The following FEZ1 variants were observed in gnomAD, a reference collection of about 807,000 sequenced individuals.
FEZ1 encodes the protein fasciculation and elongation protein zeta-1.
Under a neutral mutation model 49.3 loss-of-function variants are expected in FEZ1, and 20 were observed. The observed-to-expected ratio is 0.41, with a 90% CI of 0.29 to 0.59. The LOEUF (loss-of-function observed/expected upper bound fraction) is 0.59. Ranked by LOEUF, FEZ1 falls within the 20% of genes least tolerant of loss-of-function variation. FEZ1 has a pLI of 0.36. For synonymous variants in FEZ1, 170 were observed against 180.9 expected, an observed-to-expected ratio of 0.94 and a Z score of 0.48; for missense variants, 413 against 476.0, an observed-to-expected ratio of 0.87 and a Z score of 1.23.
At chr11:125,483,751 A>G (rs935876907) in intron 2 of FEZ1, among the ~76,000 whole-genome samples, 1 of 152,218 alleles carries the variant, frequency 6.6e-6, no homozygotes, top group Non-Finnish European at 1.5e-5. Flanking sequence ...GCAAAGCCCA[A>G]AATAGGCAGG....
At chr11:125,465,163 T>C (rs1957115533) in intron 3 of FEZ1, among the ~76,000 whole-genome samples, 1 of 152,214 alleles carries the variant, frequency 6.6e-6, no homozygotes, top group Non-Finnish European at 1.5e-5. Flanking sequence ...GGGTTATTTT[T>C]CATAAGCATC....
In FEZ1 at chr11:125,489,034, G is replaced by A. The variant is rs1036090895; in HGVS notation, c.311+433C>T. On this transcript the variant is annotated intron_variant, in intron 2 of 9. Transcript: ENST00000278919. This position sits in a 1 kb window ranked among gnomAD's most constrained non-coding sequence, Gnocchi z 4.2. ...CTGTAGATAACTCTCCAGGCCTGAG[G>A]GGCTGTCAAAAATTCGGGATTTTCA... 3 of 986,386 alleles carry A rather than the reference G, an allele frequency of 3.0e-6. No individual in the cohort carries two copies. The highest frequency in any genetic ancestry group is 3.5e-5 in the African/African-American group (2 of 57,222). The allele number at this position is 986,386 out of a possible 1,614,324, so 61.1% of individuals were successfully genotyped here.
intron 3 of FEZ1, among the ~76,000 whole-genome samples, chr11:125,474,191 A>ATTTTTTT (rs34135138): frequency 3.1e-5 from 4 of 128,440 alleles, no homozygotes; most frequent in African/African-American, 6.0e-5. Context: ...TGCCAGGCTA[A>ATTTTTTT]TTTTTTTTTT....
intron 5 of FEZ1, among the ~76,000 whole-genome samples, chr11:125,458,008 C>T (rs765699457): frequency 3.9e-5 from 6 of 152,118 alleles, no homozygotes; most frequent in African/African-American, 1.2e-4. Flanking sequence ...TTGCTGAACG[C>T]GTCTATCTTT....
chr11:125,467,154 C>A (rs1030997938), intron 3 of FEZ1, among the ~76,000 whole-genome samples: 10 of 152,020 alleles, frequency 6.6e-5, no homozygotes, highest in African/African-American at 2.4e-4. Flanking sequence ...CTGCCTCAGC[C>A]TCCCAAGTAG....
intron 9 of FEZ1, among the ~76,000 whole-genome samples, chr11:125,447,197 C>T (rs1295214342): frequency 6.6e-6 from 1 of 152,262 alleles, no homozygotes; most frequent in African/African-American, 2.4e-5. Flanking sequence ...ATCAAAAAAT[C>T]GGAAGCTGTA....
chr11:125,471,343 A>C (rs1957181102), intron 3 of FEZ1, among the ~76,000 whole-genome samples: 3 of 152,050 alleles, frequency 2.0e-5, no homozygotes, highest in Admixed American at 1.3e-4. Flanking sequence ...ACTGAATATA[A>C]AAACAAGATC....
chr11:125,485,807 G>A (rs1455997124), intron 2 of FEZ1, among the ~76,000 whole-genome samples: 4 of 151,848 alleles, frequency 2.6e-5, no homozygotes, highest in East Asian at 3.9e-4. Context: ...TTAGTCCGGC[G>A]TGGCAGCGTT....
chr11:125,495,277 C>G lies in FEZ1; in HGVS notation c.-46+844G>C, dbSNP rs1565308254. The G allele has an allele frequency of 2.3e-6, 1 of 434,064 alleles. No homozygotes were observed. 26.9% of individuals were successfully genotyped at this position (434,064 alleles called of 1,614,324 possible). A position where few individuals can be genotyped will look rare whatever the true frequency, so the allele number is the denominator to read the frequency against. On this transcript the variant is annotated intron_variant, in intron 1 of 9. Coordinates refer to ENST00000278919, the MANE Select transcript of FEZ1 (RefSeq NM_005103.5). The surrounding 1 kb of genome is among the most constrained non-coding windows in gnomAD (Gnocchi z 4.2). ...CCGTGCAGGCCGCATACACACTCCACTGCCCTTCCGGCCAAACAAGCCCGG... is the reference window on the plus strand; with the variant it reads ...CCGTGCAGGCCGCATACACACTCCAGTGCCCTTCCGGCCAAACAAGCCCGG...
At position 125,443,202 on chromosome 11, in the gene FEZ1, G is replaced by A. The variant is rs1956870899; in HGVS notation, c.*2893C>T. 6.6e-6 allele frequency among the ~76,000 whole-genome samples: 1 copy of A among 152,206 alleles called. No homozygotes were observed. Among genetic ancestry groups the A allele is most frequent in the East Asian group, 1.9e-4 (1 of 5,184 alleles). ...CTCTCTGGCACACTTTGCGGAGTGC[G>A]GACATCCTAGACAGGACTTGAGTTT... On this transcript the variant is annotated 3_prime_UTR_variant, in exon 10 of 10. Transcript: ENST00000278919.
intron 2 of FEZ1, among the ~76,000 whole-genome samples, chr11:125,487,800 T>C (rs1236295706): frequency 4.6e-5 from 7 of 152,244 alleles, no homozygotes; most frequent in Non-Finnish European, 7.3e-5. Flanking sequence ...TATTTGCACA[T>C]TGCACTGTAT....
At chr11:125,473,429 T>C (rs989327372) in intron 3 of FEZ1, among the ~76,000 whole-genome samples, 5 of 152,188 alleles carry the variant, frequency 3.3e-5, no homozygotes, top group Non-Finnish European at 5.9e-5. Flanking sequence ...GTGGATGGCT[T>C]GAGCCAAGGA....
intron 2 of FEZ1, among the ~76,000 whole-genome samples, chr11:125,486,224 C>T (rs866403049): frequency 2.0e-5 from 3 of 152,134 alleles, no homozygotes; most frequent in South Asian, 2.1e-4. Context: ...GAAGAAACAG[C>T]CATTGCATGG....
intron 2 of FEZ1, among the ~76,000 whole-genome samples, chr11:125,485,682 T>C (rs1217697554): frequency 6.6e-6 from 1 of 151,816 alleles, no homozygotes; most frequent in Non-Finnish European, 1.5e-5. Flanking sequence ...ACGCCTGTAA[T>C]CCTAGCACTT....
Position 125,493,362 on chromosome 11 carries a change from A to AAAAG in FEZ1, c.-46+2755_-46+2758dup, listed in dbSNP as rs555223569. Among the ~76,000 whole-genome samples, 298 of 49,554 alleles carry AAAAG rather than the reference A, an allele frequency of 6.0e-3. 11 individuals are homozygous for AAAAG. The highest frequency in any genetic ancestry group is 0.012 in the East Asian group (19 of 1,554). The allele number at this position is 49,554 out of a possible 152,430, so 32.5% of individuals were successfully genotyped here. A position where few individuals can be genotyped will look rare whatever the true frequency, so the allele number is the denominator to read the frequency against. ...GAAAGAAAGAAAGAAAGAAAGAGAG[A>AAAAG]AAAGAAAGAAAGAAAGAAAGAAAGA... On this transcript the variant is annotated intron_variant, in intron 1 of 9. Coordinates refer to ENST00000278919, the MANE Select transcript of FEZ1 (RefSeq NM_005103.5).
chr11:125,459,595 A>AAAAT (rs1300282424), intron 5 of FEZ1, among the ~76,000 whole-genome samples: 2 of 152,144 alleles, frequency 1.3e-5, no homozygotes, highest in Non-Finnish European at 2.9e-5. Context: ...CTATCTCTAA[A>AAAAT]AAATAAATAA....
chr11:125,445,901 C>T lies in FEZ1; in HGVS notation c.*194G>A. The T allele has an allele frequency of 1.5e-6, 1 of 653,008 alleles. No individual in the cohort carries two copies. Among genetic ancestry groups the T allele is most frequent in the Non-Finnish European group, 2.8e-6 (1 of 351,912 alleles). 40.5% of individuals were successfully genotyped at this position (653,008 alleles called of 1,614,324 possible). A position where few individuals can be genotyped will look rare whatever the true frequency, so the allele number is the denominator to read the frequency against. Reference sequence around the variant, plus strand: ...GGGGAGGCACCATCACCGGCCCTGCCCCATCATGCATCCAATGATTACTAG... The same window carrying T: ...GGGGAGGCACCATCACCGGCCCTGCTCCATCATGCATCCAATGATTACTAG... On this transcript the variant is annotated 3_prime_UTR_variant, in exon 10 of 10. Coordinates refer to ENST00000278919, the MANE Select transcript of FEZ1 (RefSeq NM_005103.5). This position sits in a 1 kb window ranked among gnomAD's most constrained non-coding sequence, Gnocchi z 4.4.
chr11:125,456,524 C>T (rs1037849296), intron 5 of FEZ1, among the ~76,000 whole-genome samples: 1 of 152,062 alleles, frequency 6.6e-6, no homozygotes, highest in African/African-American at 2.4e-5. Context: ...GGTGCTTATT[C>T]CCAAGAACTG....
intron 7 of FEZ1, chr11:125,453,257 A>G (rs902798418): frequency 6.6e-5 from 10 of 152,146 alleles, no homozygotes; most frequent in Admixed American, 6.6e-4. Flanking sequence ...GCGCCCGGCC[A>G]GAAGCTCACA....
Sources: gnomAD v4.1 joint callset for allele counts (sites outside exome capture counted in the v4.1 genomes callset) on GRCh38, gnomAD v4.1.1 for gene constraint, Gnocchi (gnomAD v3.1) non-coding constraint, MANE v1.5 for transcripts, NCBI Gene and HGNC (gene_info 2026-07-23, HGNC 2026-07-21) for gene names.